PLEKHG1: variants seen among roughly 807,000 people sequenced by gnomAD.
PLEKHG1 encodes pleckstrin homology and RhoGEF domain containing G1, also known as pleckstrin homology domain-containing family G member 1.
Under a neutral mutation model 100.8 loss-of-function variants are expected in PLEKHG1, and 44 were observed. The ratio of observed to expected loss-of-function variants is 0.44; its 90% confidence interval spans 0.34 to 0.56. The LOEUF (loss-of-function observed/expected upper bound fraction) is 0.56, where lower values mean the gene tolerates loss of function less well. PLEKHG1 is among the 20% of genes least tolerant of loss of function. PLEKHG1 has a pLI of 0.01. For synonymous variants in PLEKHG1, 640 were observed against 662.5 expected, an observed-to-expected ratio of 0.97 and a Z score of 0.52; for missense variants, 1,545 against 1,720.9, an observed-to-expected ratio of 0.90 and a Z score of 1.81.
intron 1 of PLEKHG1, among the ~76,000 whole-genome samples, chr6:150,632,002 A>C (rs1449253960): frequency 6.6e-6 from 1 of 152,194 alleles, no homozygotes; most frequent in Non-Finnish European, 1.5e-5. Context: ...TGGCCTTCTG[A>C]GAGAACAGTC....
At chr6:150,654,818 A>G (rs1234486667) in intron 3 of PLEKHG1, among the ~76,000 whole-genome samples, 1 of 152,244 alleles carries the variant, frequency 6.6e-6, no homozygotes, top group Non-Finnish European at 1.5e-5. Context: ...ATGAATAAGT[A>G]ACTTGTTGTA....
intron 1 of PLEKHG1, among the ~76,000 whole-genome samples, chr6:150,605,228 C>T (rs1245079511): frequency 1.3e-5 from 2 of 152,192 alleles, no homozygotes; most frequent in Non-Finnish European, 2.9e-5. Flanking sequence ...ATAACTTCAT[C>T]TTGCCTTACA....
chr6:150,648,695 G>A (rs1778596384), intron 2 of PLEKHG1, among the ~76,000 whole-genome samples: 1 of 152,060 alleles, frequency 6.6e-6, no homozygotes, highest in African/African-American at 2.4e-5. Context: ...TCAAATTGGG[G>A]AGCCTCATTT....
intron 3 of PLEKHG1, among the ~76,000 whole-genome samples, chr6:150,698,155 T>G (rs1294573104): frequency 6.6e-6 from 1 of 152,186 alleles, no homozygotes; most frequent in East Asian, 1.9e-4. Flanking sequence ...TGAAATTCAT[T>G]TAGGTTTCCT....
chr6:150,615,814 G>T (rs1777053376), intron 1 of PLEKHG1, among the ~76,000 whole-genome samples: 1 of 152,180 alleles, frequency 6.6e-6, no homozygotes, highest in East Asian at 1.9e-4. Context: ...GTTTTCTGTT[G>T]TACCAAGAAG....
At chr6:150,716,991 A>G (rs968355767), upstream of PLEKHG1, among the ~76,000 whole-genome samples, 2 of 152,080 alleles carry the variant, frequency 1.3e-5, no homozygotes, top group African/African-American at 4.8e-5. Flanking sequence ...AACTAGTACT[A>G]TGGACATACA....
intron 3 of PLEKHG1, among the ~76,000 whole-genome samples, chr6:150,694,118 C>T (rs1213567791): frequency 6.6e-6 from 1 of 152,148 alleles, no homozygotes; most frequent in East Asian, 1.9e-4. Flanking sequence ...ATGAACATGG[C>T]AGAATTTTCT....
intron 3 of PLEKHG1, among the ~76,000 whole-genome samples, chr6:150,662,148 G>C (rs1044216847): frequency 9.2e-5 from 14 of 152,064 alleles, no homozygotes; most frequent in African/African-American, 3.4e-4. Context: ...GAGAAGGCAG[G>C]GGATAAGGAA....
chr6:150,739,864 G>A (rs1305845323), intron 2 of PLEKHG1, among the ~76,000 whole-genome samples: 2 of 152,148 alleles, frequency 1.3e-5, no homozygotes, highest in African/African-American at 4.8e-5. Context: ...TGTTTATTGA[G>A]TGATCGTACA....
At chr6:150,630,027 C>T (rs1057047966) in intron 1 of PLEKHG1, among the ~76,000 whole-genome samples, 2 of 152,212 alleles carry the variant, frequency 1.3e-5, no homozygotes, top group Non-Finnish European at 2.9e-5. Context: ...GTGATGGAGG[C>T]CATAGACTAT....
chr6:150,650,385 T>C (rs1778680910), intron 2 of PLEKHG1, among the ~76,000 whole-genome samples: 1 of 152,250 alleles, frequency 6.6e-6, no homozygotes, highest in Non-Finnish European at 1.5e-5. Context: ...TGAACTCCTC[T>C]GTTTACAGAG....
intron 3 of PLEKHG1, among the ~76,000 whole-genome samples, chr6:150,701,178 G>A (rs1237925687): frequency 2.0e-5 from 3 of 151,284 alleles, no homozygotes; most frequent in African/African-American, 7.3e-5. Flanking sequence ...AAATTAGCCA[G>A]GTGTGGTGGT....
intron 3 of PLEKHG1, among the ~76,000 whole-genome samples, chr6:150,653,271 ATT>A (rs1196850450): frequency 1.3e-5 from 2 of 152,104 alleles, no homozygotes; most frequent in African/African-American, 4.8e-5. Context: ...CTTGTATTAT[ATT>A]TGTCTTTATA....
At chr6:150,671,765 G>A (rs191208878) in intron 3 of PLEKHG1, among the ~76,000 whole-genome samples, 1 of 152,348 alleles carries the variant, frequency 6.6e-6, no homozygotes, top group East Asian at 1.9e-4. Context: ...AGACCTACAT[G>A]AAGTTGGGAC....
At chr6:150,659,574 A>G (rs1202691044) in intron 3 of PLEKHG1, among the ~76,000 whole-genome samples, 2 of 152,226 alleles carry the variant, frequency 1.3e-5, no homozygotes, top group Non-Finnish European at 2.9e-5. Flanking sequence ...GGCCCTTGGC[A>G]GACTGTCAAA....
intron 2 of PLEKHG1, among the ~76,000 whole-genome samples, chr6:150,744,121 T>C (rs1057130620): frequency 2.0e-5 from 3 of 152,162 alleles, no homozygotes; most frequent in East Asian, 1.9e-4. Context: ...GTCGCCCAGG[T>C]TGGAGTGCAG....
At chr6:150,821,781 A>G (rs1776313183) in intron 13 of PLEKHG1, among the ~76,000 whole-genome samples, 1 of 152,030 alleles carries the variant, frequency 6.6e-6, no homozygotes, top group South Asian at 2.1e-4. Flanking sequence ...TATTATTCCT[A>G]TTATATAAAG....
intron 3 of PLEKHG1, among the ~76,000 whole-genome samples, chr6:150,780,512 G>A (rs1017694065): frequency 5.3e-5 from 8 of 151,516 alleles, no homozygotes; most frequent in Admixed American, 1.3e-4. Flanking sequence ...CCTTTTTTCC[G>A]TGAGAATACT....
intron 2 of PLEKHG1, among the ~76,000 whole-genome samples, chr6:150,644,445 C>T (rs1778408633): frequency 6.7e-6 from 1 of 150,066 alleles, no homozygotes; most frequent in Admixed American, 6.7e-5. Flanking sequence ...AGTGATTTTC[C>T]TGCCTCAGCC....
Sources: allele counts gnomAD v4.1 joint callset (sites outside exome capture counted in the v4.1 genomes callset), GRCh38; gene constraint gnomAD v4.1.1; transcripts MANE v1.5; gene names NCBI Gene and HGNC (gene_info 2026-07-23, HGNC 2026-07-21).